The following RABEP1 variants were observed in gnomAD, a reference collection of about 807,000 sequenced individuals.
RABEP1 encodes rabaptin, RAB GTPase binding effector protein 1.
In RABEP1, 51 loss-of-function variants were observed where a neutral mutation model predicts 123.4. The ratio of observed to expected loss-of-function variants is 0.41; its 90% CI spans 0.33 to 0.52. RABEP1 has a LOEUF of 0.52. RABEP1 is among the 20% of genes least tolerant of loss of function. RABEP1 has a pLI of 0.16. For missense variants in RABEP1, 888 were observed against 996.3 expected, an observed-to-expected ratio of 0.89 and a Z score of 1.46; for synonymous variants, 347 against 355.2, an observed-to-expected ratio of 0.98 and a Z score of 0.26.
In RABEP1 at chr17:5,380,403, A is replaced by G; in HGVS notation, c.2311A>G (p.Ser771Gly). Residue 771 changes from serine to glycine, a missense_variant, in exon 16 of 18, where the codon AGT becomes GGT. Ser to Gly is a moderately conservative substitution (Grantham distance 56, BLOSUM62 0). Transcript: ENST00000537505. ...AAGAGAGAAGTCTCAACAGCTTGAGAGTCTTCAGGAAATAAAGATCAGTTT... is the reference window on the plus strand; with the variant it reads ...AAGAGAGAAGTCTCAACAGCTTGAGGGTCTTCAGGAAATAAAGATCAGTTT... ...TLREKSQQLE[S>G]LQEIKISLEE... is the part of the protein sequence containing the mutation. The G allele has an allele frequency of 1.9e-6, 3 of 1,574,426 alleles. No individual in the cohort carries two copies. The highest frequency in any genetic ancestry group is 1.7e-6 in the Non-Finnish European group (2 of 1,158,590).
At chr17:5,348,552 T>C (rs1465292728) in intron 6 of RABEP1, among the ~76,000 whole-genome samples, 1 of 151,878 alleles carries the variant, frequency 6.6e-6, no homozygotes, top group African/African-American at 2.4e-5. Flanking sequence ...CCTCTGAAGG[T>C]TTTTTATTTT....
intron 1 of RABEP1, among the ~76,000 whole-genome samples, chr17:5,299,707 T>C (rs544511917): frequency 1.7e-4 from 24 of 138,466 alleles, no homozygotes; most frequent in Admixed American, 1.5e-3. Flanking sequence ...TTTCTTTTTC[T>C]TTTTTTCTTT....
intron 1 of RABEP1, among the ~76,000 whole-genome samples, chr17:5,288,562 A>G (rs2075001444): frequency 6.6e-6 from 1 of 151,628 alleles, no homozygotes; most frequent in African/African-American, 2.4e-5. Context: ...TGCTCGGCTA[A>G]TTTTATATTT....
rs142930541 is a variant in RABEP1, at chr17:5,284,723, C to T, written c.34+2203C>T. On this transcript the variant is annotated intron_variant, in intron 1 of 17. Coordinates refer to ENST00000537505, the MANE Select transcript of RABEP1 (RefSeq NM_004703.6). ...TCAAGGGATCCACCTGCCTACACTT[C>T]CCAAAGTGCTAGGATTGTAGGTGTG... Among the ~76,000 whole-genome samples the T allele has an allele frequency of 6.6e-3, 1,001 of 152,194 alleles. 8 individuals are homozygous for T. The highest frequency in any genetic ancestry group is 0.011 in the Non-Finnish European group (731 of 68,032).
At chr17:5,290,842 C>T (rs904741741) in intron 1 of RABEP1, among the ~76,000 whole-genome samples, 20 of 151,984 alleles carry the variant, frequency 1.3e-4, no homozygotes, top group South Asian at 4.1e-4. Flanking sequence ...ATGATCTGCC[C>T]ACCTCGGCCT....
In RABEP1 at chr17:5,308,748, G is replaced by C. The variant is rs560944016; in HGVS notation, c.89G>C (p.Arg30Pro). 1 of 1,612,214 alleles carries C rather than the reference G, an allele frequency of 6.2e-7. No homozygotes were observed. Residue 30 changes from arginine to proline, a missense_variant, in exon 2 of 18, where the codon CGT (arginine) becomes CCT (proline). By Grantham distance (103) the Arg-to-Pro change is moderately radical (BLOSUM62 -2). Transcript: ENST00000537505. Reference protein sequence around the residue: ...ELEKINAEFLRAQQQLEQEFN... With the variant: ...ELEKINAEFLPAQQQLEQEFN... ...GAAAAAATTAATGCAGAATTTTTACGTGCACAACAGCAGCTTGAACAAGAA... is the reference window on the plus strand; with the variant it reads ...GAAAAAATTAATGCAGAATTTTTACCTGCACAACAGCAGCTTGAACAAGAA...
intron 1 of RABEP1, among the ~76,000 whole-genome samples, chr17:5,303,747 A>T (rs944828432): frequency 6.6e-6 from 1 of 152,112 alleles, no homozygotes. Flanking sequence ...ATTTAGTGTA[A>T]AGATGCCAGG....
At chr17:5,338,180 C>T (rs201188245) in intron 5 of RABEP1, 42 bp downstream of exon 5, 1 of 1,576,016 alleles carries the variant, frequency 6.3e-7, no homozygotes, top group Admixed American at 1.8e-5. Flanking sequence ...ACCCAAGTTT[C>T]TGCCCCAATG....
intron 2 of RABEP1, among the ~76,000 whole-genome samples, chr17:5,313,879 G>A (rs528743605): frequency 4.6e-5 from 7 of 152,166 alleles, no homozygotes; most frequent in South Asian, 2.1e-4. Flanking sequence ...TGTCTTGGCC[G>A]TTAGCCTATA....
chr17:5,346,679 G>A (rs943215210), intron 5 of RABEP1, 111 bp from the exon 6 acceptor site: 4 of 611,558 alleles, frequency 6.5e-6, no homozygotes, highest in African/African-American at 1.9e-5. Flanking sequence ...TTATGTAGAT[G>A]TAAAAGTAAG....
intron 10 of RABEP1, 55 bp downstream of exon 10, chr17:5,363,071 A>G (rs1272364932): frequency 3.8e-6 from 5 of 1,322,420 alleles, no homozygotes; most frequent in Non-Finnish European, 5.5e-6. Context: ...TTGGAGGTGC[A>G]GAATTAATTG....
intron 1 of RABEP1, among the ~76,000 whole-genome samples, chr17:5,288,488 C>T (rs916343959): frequency 6.6e-6 from 1 of 152,144 alleles, no homozygotes; most frequent in African/African-American, 2.4e-5. Flanking sequence ...CTCTACCTCC[C>T]AGGTTCAAGT....
At chr17:5,300,006 G>A (rs902471152) in intron 1 of RABEP1, among the ~76,000 whole-genome samples, 13 of 151,840 alleles carry the variant, frequency 8.6e-5, no homozygotes, top group African/African-American at 3.1e-4. Flanking sequence ...GTGATTACAG[G>A]CATCAGCCAC....
chr17:5,298,632 C>T (rs927157473), intron 1 of RABEP1, among the ~76,000 whole-genome samples: 8 of 151,112 alleles, frequency 5.3e-5, no homozygotes, highest in Admixed American at 1.3e-4. Flanking sequence ...GCCAGTCTCA[C>T]GTATAACTCC....
chr17:5,288,653 C>G (rs2075002516), intron 1 of RABEP1, among the ~76,000 whole-genome samples: 1 of 152,128 alleles, frequency 6.6e-6, no homozygotes, highest in African/African-American at 2.4e-5. Context: ...CCTTGGCCTC[C>G]CAAAGTGCTG....
intron 12 of RABEP1, among the ~76,000 whole-genome samples, chr17:5,369,065 C>T (rs1411212865): frequency 2.6e-5 from 4 of 151,834 alleles, no homozygotes; most frequent in East Asian, 1.9e-4. Context: ...GCTGAGATCG[C>T]GCCACTGCAC....
intron 7 of RABEP1, among the ~76,000 whole-genome samples, chr17:5,352,051 T>C (rs1567538882): frequency 6.6e-6 from 1 of 152,214 alleles, no homozygotes; most frequent in Non-Finnish European, 1.5e-5. Context: ...CCTTTCTAAG[T>C]ATCTTGTCAA....
rs768010347 is a variant in RABEP1 at position 5,346,806 on chromosome 17, A to T, written c.665A>T (p.His222Leu). ...LEASKVKELN[H>L]YLEAEKSCRT... ...TTCTTTCAGGTTAAAGAACTGAATC[A>T]TTATCTGGAAGCTGAGAAATCTTGT... Residue 222 changes from histidine to leucine, a missense_variant, in exon 6 of 18, where the codon CAT (histidine) becomes CTT (leucine). By Grantham distance (99) the His-to-Leu change is moderately conservative. Coordinates refer to ENST00000537505, the MANE Select transcript of RABEP1 (RefSeq NM_004703.6). 1 of 1,574,680 alleles carries T rather than the reference A, an allele frequency of 6.4e-7. No homozygotes were observed.
At chr17:5,344,622 A>G (rs867869032) in intron 5 of RABEP1, among the ~76,000 whole-genome samples, 1 of 151,500 alleles carries the variant, frequency 6.6e-6, no homozygotes, top group African/African-American at 2.4e-5. Context: ...AATATGAAAA[A>G]TTAGCCGGGC....
Sources: allele counts gnomAD v4.1 joint callset (sites outside exome capture counted in the v4.1 genomes callset), GRCh38; gene constraint gnomAD v4.1.1; transcripts MANE v1.5; gene names NCBI Gene and HGNC (gene_info 2026-07-23, HGNC 2026-07-21).